SULT1C3: variants seen among roughly 807,000 people sequenced by gnomAD.
SULT1C3 encodes the protein sulfotransferase 1C3.
In SULT1C3, 31 loss-of-function variants were observed where a neutral mutation model predicts 28.4. The observed-to-expected ratio is 1.09, with a 90% CI of 0.82 to 1.47. The LOEUF is 1.47. Among genes scored for constraint, SULT1C3 ranks in the 40% most tolerant of loss-of-function variants. The pLI, the probability that SULT1C3 is intolerant of heterozygous loss-of-function variation, is 0.00. For missense variants in SULT1C3, 307 were observed against 272.5 expected (o/e 1.13, Z -0.89); for synonymous variants, 106 against 92.2 (o/e 1.15, Z -0.86).
chr2:108,243,806 G>C (rs1005961813), intron 1 of SULT1C3, among the ~76,000 whole-genome samples: 3 of 152,142 alleles, frequency 2.0e-5, no homozygotes, highest in African/African-American at 2.4e-5. Flanking sequence ...TACCCTTGAT[G>C]AATCAGCTAG....
At chr2:108,250,801 A>T (rs1417083662) in intron 2 of SULT1C3, among the ~76,000 whole-genome samples, 2 of 152,074 alleles carry the variant, frequency 1.3e-5, no homozygotes, top group East Asian at 3.9e-4. Context: ...ATTCAGACAC[A>T]TGAGGACAAA....
intron 4 of SULT1C3, among the ~76,000 whole-genome samples, chr2:108,254,731 ATATGTATG>A (rs1193309558): frequency 1.4e-5 from 2 of 144,024 alleles, no homozygotes; most frequent in Non-Finnish European, 3.0e-5. Context: ...ATATATGTAT[ATATGTATG>A]TATGCATACA....
At chr2:108,243,317 T>C (rs537275423) in intron 1 of SULT1C3, among the ~76,000 whole-genome samples, 1 of 152,272 alleles carries the variant, frequency 6.6e-6, no homozygotes, top group African/African-American at 2.4e-5. Flanking sequence ...AAAACAAAGA[T>C]GGTAACAGCT....
In SULT1C3 at chr2:108,259,136, T is replaced by A. The variant is rs1246102377; in HGVS notation, c.792T>A (p.Phe264Leu). Residue 264 changes from phenylalanine to leucine, a missense_variant, in exon 7 of 8, where the codon TTT (phenylalanine) becomes TTA (leucine). By Grantham distance (22) the Phe-to-Leu change is conservative (BLOSUM62 0). Transcript: ENST00000681802. ...AHIFNHSISK[F>L]MRKGMPGDWK... ...TATTCAATCACTCCATCTCAAAATT[T>A]ATGAGGAAAGGTTGGTGGCATTTCT... is the stretch of plus-strand genomic sequence containing the variant. The A allele has an allele frequency of 2.4e-6, 1 of 410,514 alleles. No homozygotes were observed. Among genetic ancestry groups the A allele is most frequent in the Non-Finnish European group, 4.5e-6 (1 of 220,854 alleles). 25.4% of individuals were successfully genotyped at this position (410,514 alleles called of 1,614,324 possible).
intron 7 of SULT1C3, among the ~76,000 whole-genome samples, chr2:108,259,478 C>A (rs1001251892): frequency 3.3e-5 from 5 of 152,052 alleles, no homozygotes; most frequent in Non-Finnish European, 7.4e-5. Flanking sequence ...ATTACAATAC[C>A]CACCTCAACC....
intron 1 of SULT1C3, among the ~76,000 whole-genome samples, chr2:108,241,654 G>A (rs978528405): frequency 1.3e-5 from 2 of 152,180 alleles, no homozygotes; most frequent in Non-Finnish European, 2.9e-5. Flanking sequence ...GGGACAGGTC[G>A]TGGTGGCTCA....
chr2:108,240,803 G>T (rs893746938), intron 1 of SULT1C3, among the ~76,000 whole-genome samples: 2 of 152,182 alleles, frequency 1.3e-5, no homozygotes, highest in African/African-American at 4.8e-5. Context: ...TCTCTCTCCA[G>T]TACTCATTTT....
downstream of SULT1C3, among the ~76,000 whole-genome samples, chr2:108,261,135 A>C (rs1303296051): frequency 6.6e-6 from 1 of 152,190 alleles, no homozygotes; most frequent in East Asian, 1.9e-4. Flanking sequence ...AGAGCTGATA[A>C]GTACATTTCA....
downstream of SULT1C3, among the ~76,000 whole-genome samples, chr2:108,262,038 C>T (rs911778276): frequency 2.0e-5 from 3 of 152,136 alleles, no homozygotes; most frequent in African/African-American, 7.2e-5. Flanking sequence ...GGCATTACCC[C>T]ACTGCCTACA....
intron 5 of SULT1C3, among the ~76,000 whole-genome samples, chr2:108,258,276 G>A (rs779413757): frequency 1.3e-5 from 2 of 152,030 alleles, no homozygotes; most frequent in Non-Finnish European, 2.9e-5. Context: ...TGTTTACCAC[G>A]TAGACACAGC....
intron 4 of SULT1C3, among the ~76,000 whole-genome samples, chr2:108,254,978 G>C (rs138625758): frequency 6.6e-6 from 1 of 151,804 alleles, no homozygotes; most frequent in Non-Finnish European, 1.5e-5. Flanking sequence ...TGACCCACTC[G>C]TGTACTAAGC....
downstream of SULT1C3, among the ~76,000 whole-genome samples, chr2:108,262,732 G>T (rs561522205): frequency 6.6e-6 from 1 of 152,318 alleles, no homozygotes; most frequent in African/African-American, 2.4e-5. Flanking sequence ...GTAAGATATA[G>T]TTTGCCCCAT....
intron 1 of SULT1C3, among the ~76,000 whole-genome samples, chr2:108,244,659 A>G (rs373508017): frequency 2.8e-4 from 43 of 152,276 alleles, no homozygotes; most frequent in African/African-American, 9.6e-4. Context: ...AAATTTTGGA[A>G]AGCTTCTATA....
chr2:108,253,252 T>C (rs1675778217), intron 3 of SULT1C3, 93 bp from the exon 4 acceptor site: 13 of 758,276 alleles, frequency 1.7e-5, no homozygotes, highest in Non-Finnish European at 2.5e-5. Flanking sequence ...TAAAACAAAA[T>C]ATAATCACTC....
chr2:108,251,071 A>T (rs1273285425), intron 2 of SULT1C3, among the ~76,000 whole-genome samples: 1 of 152,044 alleles, frequency 6.6e-6, no homozygotes, highest in African/African-American at 2.4e-5. Context: ...TGATTCCATA[A>T]TGATGAAAAA....
chr2:108,244,042 C>T (rs925883227), intron 1 of SULT1C3, among the ~76,000 whole-genome samples: 2 of 152,206 alleles, frequency 1.3e-5, no homozygotes, highest in Non-Finnish European at 2.9e-5. Context: ...GGGTCCTGGG[C>T]CTGCATCCTA....
At chr2:108,253,677 T>C (rs1416257526) in intron 4 of SULT1C3, among the ~76,000 whole-genome samples, 3 of 152,036 alleles carry the variant, frequency 2.0e-5, no homozygotes, top group Non-Finnish European at 4.4e-5. Context: ...TTGGTAAGAT[T>C]TTCCAAAATT....
At chr2:108,241,118 C>T (rs1003798590) in intron 1 of SULT1C3, among the ~76,000 whole-genome samples, 1 of 152,240 alleles carries the variant, frequency 6.6e-6, no homozygotes, top group East Asian at 1.9e-4. Context: ...AGGTTAGGAA[C>T]CCTGTGCCAC....
chr2:108,241,258 T>C (rs964798832), intron 1 of SULT1C3, among the ~76,000 whole-genome samples: 3 of 152,244 alleles, frequency 2.0e-5, no homozygotes, highest in Non-Finnish European at 2.9e-5. Context: ...GTTTTTCCAA[T>C]TGTGTCCTGT....
Sources: gnomAD v4.1 joint callset for allele counts (sites outside exome capture counted in the v4.1 genomes callset) on GRCh38, gnomAD v4.1.1 for gene constraint, MANE v1.5 for transcripts, NCBI Gene and HGNC (gene_info 2026-07-23, HGNC 2026-07-21) for gene names.